Variants in CD27 observed in about 807,000 individuals in gnomAD.
CD27 encodes the protein CD27 antigen.
CD27 carries 16 observed loss-of-function variants against 25.9 expected under a neutral mutation model. The observed-to-expected ratio is 0.62, with a 90% CI of 0.42 to 0.94. The LOEUF is 0.94. Ranked by LOEUF, CD27 falls within the 40% of genes least tolerant of loss-of-function variation. The pLI, the probability that CD27 is intolerant of heterozygous loss-of-function variation, is 0.00. For missense variants in CD27, 300 were observed against 333.2 expected, an observed-to-expected ratio of 0.90 and a Z score of 0.78; for synonymous variants, 142 against 124.3, an observed-to-expected ratio of 1.14 and a Z score of -0.95.
rs112745097 is a variant in CD27, at chr12:6,451,160, C to T, written c.659-108C>T. On this transcript the variant is annotated intron_variant, in intron 5 of 5. Transcript: ENST00000266557. ...CTACCCCTTCTCTCCCCTTAGCTGG[C>T]GTGCTCCTGACACCCCTCCCCCAAG... 2.6e-3 allele frequency: 3,896 copies of T among 1,520,750 alleles called. 97 individuals are homozygous for T. In the African/African-American group the frequency reaches 0.046, roughly 18 times the overall value. 94.2% of individuals were successfully genotyped at this position (1,520,750 alleles called of 1,614,324 possible).
rs760226591 is a variant in CD27, at chr12:6,445,434, C to T, written c.147C>T (p.Leu49=). 48 of 1,614,074 alleles carry T rather than the reference C, an allele frequency of 3.0e-5. No individual in the cohort carries two copies. The highest frequency in any genetic ancestry group is 3.6e-5 in the Non-Finnish European group (42 of 1,180,028). The stretch of plus-strand genomic sequence containing the variant: ...ACCCTCTCCTCCCAGGAACATTCCT[C>T]GTGAAGGACTGTGACCAGCATAGAA... ...CCQMCEPGTF[L]VKDCDQHRKA... Residue 49 remains leucine, a synonymous_variant, in exon 2 of 6, where the codon CTC becomes CTT. Transcript: ENST00000266557. This position sits in a 1 kb window ranked among gnomAD's most constrained non-coding sequence, Gnocchi z 4.5.
Position 6,450,845 on chromosome 12 carries a change from G to C in CD27, c.539-50G>C. On this transcript the variant is annotated intron_variant, in intron 4 of 5. Transcript: ENST00000266557. This position sits in a 1 kb window ranked among gnomAD's most constrained non-coding sequence, Gnocchi z 4.1. ...GTGACAGGAGGGCTGGGCTGAGGGAGCCAAGGGCTAGACCCTCCCCTAACC... is the reference window on the plus strand; with the variant it reads ...GTGACAGGAGGGCTGGGCTGAGGGACCCAAGGGCTAGACCCTCCCCTAACC... 1 of 1,611,556 alleles carries C rather than the reference G, an allele frequency of 6.2e-7. No homozygotes were observed. The highest frequency in any genetic ancestry group is 8.5e-7 in the Non-Finnish European group (1 of 1,178,432).
rs1343156885 is a variant in CD27 at position 6,445,280 on chromosome 12, A to T, written c.136+49A>T. On this transcript the variant is annotated intron_variant, in intron 1 of 5. Transcript: ENST00000266557. This position sits in a 1 kb window ranked among gnomAD's most constrained non-coding sequence, Gnocchi z 4.5. ...CCAGGTGAGTGGCGAAAGAGAGAGG[A>T]CTGGGGTTAATACAGTAAATAGGCG... 1 of 1,611,862 alleles carries T rather than the reference A, an allele frequency of 6.2e-7. No homozygotes were observed. The highest frequency in any genetic ancestry group is 1.7e-5 in the Admixed American group (1 of 59,310).
chr12:6,451,367 A>C lies in CD27; in HGVS notation c.758A>C (p.Lys253Thr). ...ATCCCCATCCAGGAGGATTACCGAA[A>C]ACCGGAGCCTGCCTGCTCCCCCTGA... is the stretch of plus-strand genomic sequence containing the variant. ...STIPIQEDYRKPEPACSP is the reference protein window; with the variant it reads ...STIPIQEDYRTPEPACSP The change falls in exon 6 of 6, where the codon AAA becomes ACA. Residue 253 changes from lysine to threonine, a missense_variant. Physicochemically the swap from Lys to Thr is moderately conservative, Grantham distance 78. Transcript: ENST00000266557. 1.9e-6 allele frequency: 3 copies of C among 1,613,480 alleles called. No individual in the cohort carries two copies. The highest frequency in any genetic ancestry group is 1.7e-5 in the Admixed American group (1 of 59,998).
chr12:6,443,951 G>C (rs1051108221), upstream of CD27, among the ~76,000 whole-genome samples: 1 of 152,130 alleles, frequency 6.6e-6, no homozygotes, highest in African/African-American at 2.4e-5. Context: ...GACTCAAAGA[G>C]GGAAAAGTCT....
At chr12:6,446,261 G>A (rs966302021) in intron 2 of CD27, among the ~76,000 whole-genome samples, 1 of 152,130 alleles carries the variant, frequency 6.6e-6, no homozygotes, top group Non-Finnish European at 1.5e-5. Context: ...CTACCTACTT[G>A]CAAAACGTGT....
chr12:6,444,635 C>T (rs925332964), upstream of CD27, among the ~76,000 whole-genome samples: 3 of 114,122 alleles, frequency 2.6e-5, no homozygotes, highest in South Asian at 2.8e-4. Context: ...CCTGCGAATT[C>T]GTCTGTAAAC....
chr12:6,445,007 A>G lies in CD27; in HGVS notation c.-89A>G. ...CAGCCACTGCCCAGGGGGTGCAAAG[A>G]AGAGACAGCAGCGCCCAGCTTGGAG... On this transcript the variant is annotated 5_prime_UTR_variant, in exon 1 of 6. Transcript: ENST00000266557. The surrounding 1 kb of genome is among the most constrained non-coding windows in gnomAD (Gnocchi z 4.5). 7.1e-7 allele frequency: 1 copy of G among 1,410,782 alleles called. No individual in the cohort carries two copies. Among genetic ancestry groups the G allele is most frequent in the Non-Finnish European group, 9.4e-7 (1 of 1,067,444 alleles). The allele number at this position is 1,410,782 out of a possible 1,614,324, so 87.4% of individuals were successfully genotyped here. A position where few individuals can be genotyped will look rare whatever the true frequency, so the allele number is the denominator to read the frequency against.
rs1420006949 is a variant in CD27, at chr12:6,445,212, C to T, written c.117C>T (p.Cys39=). The change falls in exon 1 of 6, where the codon TGC becomes TGT. Residue 39 remains cysteine, a synonymous_variant. Coordinates refer to ENST00000266557, the MANE Select transcript of CD27 (RefSeq NM_001242.5). The surrounding 1 kb of genome is among the most constrained non-coding windows in gnomAD (Gnocchi z 4.5). Reference sequence around the variant, plus strand: ...ACTACTGGGCTCAGGGAAAGCTGTGCTGCCAGATGTGTGAGCCAGGTAAGA... The same window carrying T: ...ACTACTGGGCTCAGGGAAAGCTGTGTTGCCAGATGTGTGAGCCAGGTAAGA... The part of the protein sequence containing the change: ...ERHYWAQGKL[C]CQMCEPGTFL... 1.9e-6 allele frequency: 3 copies of T among 1,613,982 alleles called. No homozygotes were observed. The highest frequency in any genetic ancestry group is 1.7e-6 in the Non-Finnish European group (2 of 1,179,958).
At chr12:6,448,686 A>C (rs575021216) in intron 2 of CD27, 1 of 152,188 alleles carries the variant, frequency 6.6e-6, no homozygotes, top group African/African-American at 2.4e-5. Context: ...AATCACTTGA[A>C]CTCAGGAGGC....
chr12:6,445,738 G>T lies in CD27; in HGVS notation c.268+183G>T, dbSNP rs537507962. On this transcript the variant is annotated intron_variant, in intron 2 of 5. Coordinates refer to ENST00000266557, the MANE Select transcript of CD27 (RefSeq NM_001242.5). The surrounding 1 kb of genome is among the most constrained non-coding windows in gnomAD (Gnocchi z 4.5). ...CCCTAGGTGGGGCATGAATTAACGT[G>T]GGCAGACATCTAGTATTCCAGGAAA... 6.6e-6 allele frequency among the ~76,000 whole-genome samples: 1 copy of T among 152,148 alleles called. No homozygotes were observed. Among genetic ancestry groups the T allele is most frequent in the Admixed American group, 6.6e-5 (1 of 15,264 alleles).
In CD27 at chr12:6,450,958, T is replaced by C; in HGVS notation, c.602T>C (p.Leu201Pro). The C allele has an allele frequency of 6.2e-7, 1 of 1,614,144 alleles. No individual in the cohort carries two copies. Among genetic ancestry groups the C allele is most frequent in the Non-Finnish European group, 8.5e-7 (1 of 1,180,004 alleles). Residue 201 changes from leucine to proline, a missense_variant, in exon 5 of 6, where the codon CTT becomes CCT. Coordinates refer to ENST00000266557, the MANE Select transcript of CD27 (RefSeq NM_001242.5). This position sits in a 1 kb window ranked among gnomAD's most constrained non-coding sequence, Gnocchi z 4.1. Reference sequence around the variant, plus strand: ...CTTGTGATCTTCTCTGGAATGTTCCTTGTTTTCACCCTGGCCGGGGCCCTG... The same window carrying C: ...CTTGTGATCTTCTCTGGAATGTTCCCTGTTTTCACCCTGGCCGGGGCCCTG... ...RILVIFSGMF[L>P]VFTLAGALFL... is the part of the protein sequence containing the mutation.
intron 2 of CD27, chr12:6,447,552 G>GTTA (rs1449987134): frequency 2.6e-5 from 4 of 152,186 alleles, no homozygotes; most frequent in African/African-American, 9.7e-5. Flanking sequence ...TTGAGCCCAG[G>GTTA]TTATACCTGG....
At position 6,450,500 on chromosome 12, in the gene CD27, G is replaced by T; in HGVS notation, c.449-41G>T. 6.3e-7 allele frequency: 1 copy of T among 1,594,602 alleles called. No homozygotes were observed. ...TCTCAGGCCTTCAGATGTGCCCTAT[G>T]GGGTCCCCTGCTGCTACTCATTCTG... On this transcript the variant is annotated intron_variant, in intron 3 of 5. Transcript: ENST00000266557. This position sits in a 1 kb window ranked among gnomAD's most constrained non-coding sequence, Gnocchi z 4.1.
rs752132858 is a variant in CD27 at position 6,445,086 on chromosome 12, G to A, written c.-10G>A. Reference sequence around the variant, plus strand: ...ACTGGGCACAGAAAGGAGCCGCCTGGGCAGGGACCATGGCACGGCCACATC... The same window carrying A: ...ACTGGGCACAGAAAGGAGCCGCCTGAGCAGGGACCATGGCACGGCCACATC... On this transcript the variant is annotated 5_prime_UTR_variant, in exon 1 of 6. Transcript: ENST00000266557. The surrounding 1 kb of genome is among the most constrained non-coding windows in gnomAD (Gnocchi z 4.5). The A allele has an allele frequency of 6.6e-5, 105 of 1,600,970 alleles. No homozygotes were observed. Among genetic ancestry groups the A allele is most frequent in the Non-Finnish European group, 8.3e-5 (98 of 1,175,252 alleles).
In CD27 at chr12:6,450,775, G is replaced by A. The variant is rs1949524724; in HGVS notation, c.539-120G>A. 6.7e-7 allele frequency: 1 copy of A among 1,482,094 alleles called. No individual in the cohort carries two copies. The highest frequency in any genetic ancestry group is 2.3e-5 in the East Asian group (1 of 44,140). The allele number at this position is 1,482,094 out of a possible 1,614,324, so 91.8% of individuals were successfully genotyped here. A position where few individuals can be genotyped will look rare whatever the true frequency, so the allele number is the denominator to read the frequency against. ...TGTTTAGGAGAGGAGTTGGCCAACGGTGGCGGGTGGGATAGAATAAGGTGG... is the reference window on the plus strand; with the variant it reads ...TGTTTAGGAGAGGAGTTGGCCAACGATGGCGGGTGGGATAGAATAAGGTGG... On this transcript the variant is annotated intron_variant, in intron 4 of 5. Coordinates refer to ENST00000266557, the MANE Select transcript of CD27 (RefSeq NM_001242.5). The surrounding 1 kb of genome is among the most constrained non-coding windows in gnomAD (Gnocchi z 4.1).
At position 6,450,904 on chromosome 12, in the gene CD27, C is replaced by T; in HGVS notation, c.548C>T (p.Ser183Phe). 6.2e-7 allele frequency: 1 copy of T among 1,614,158 alleles called. No individual in the cohort carries two copies. Among genetic ancestry groups the T allele is most frequent in the Non-Finnish European group, 8.5e-7 (1 of 1,180,004 alleles). Residue 183 changes from serine to phenylalanine, a missense_variant, in exon 5 of 6, where the codon TCC becomes TTC. Coordinates refer to ENST00000266557, the MANE Select transcript of CD27 (RefSeq NM_001242.5). This position sits in a 1 kb window ranked among gnomAD's most constrained non-coding sequence, Gnocchi z 4.1. ...TLSTHWPPQR[S>F]LCSSDFIRIL... ...TCCCCTCCTATTACAGCCCAAAGAT[C>T]CCTGTGCAGCTCCGATTTTATTCGC...
chr12:6,451,291 C>G lies in CD27; in HGVS notation c.682C>G (p.Pro228Ala). Reference sequence around the variant, plus strand: ...AGACAAAGGAGAAAGTCCTGTGGAGCCTGCAGAGCCTTGTCATTACAGCTG... The same window carrying G: ...AGACAAAGGAGAAAGTCCTGTGGAGGCTGCAGAGCCTTGTCATTACAGCTG... ...RSNKGESPVE[P>A]AEPCHYSCPR... Residue 228 changes from proline (P) to alanine (A), a missense_variant, in exon 6 of 6, where the codon CCT becomes GCT. Physicochemically the swap from Pro to Ala is conservative, Grantham distance 27. Transcript: ENST00000266557. The G allele has an allele frequency of 1.9e-6, 3 of 1,614,016 alleles. No homozygotes were observed. The highest frequency in any genetic ancestry group is 2.5e-6 in the Non-Finnish European group (3 of 1,179,932).
In CD27 at chr12:6,450,092, G is replaced by C; in HGVS notation, c.269-81G>C. 7.5e-7 allele frequency: 1 copy of C among 1,325,500 alleles called. No homozygotes were observed. Among genetic ancestry groups the C allele is most frequent in the Non-Finnish European group, 1.0e-6 (1 of 953,342 alleles). The allele number at this position is 1,325,500 out of a possible 1,614,324, so 82.1% of individuals were successfully genotyped here. A position where few individuals can be genotyped will look rare whatever the true frequency, so the allele number is the denominator to read the frequency against. ...TCCCTAGAGGTGGGCCTGGGATGGG[G>C]GTTGGGGGATGAAGCAAGTGGACCT... is the stretch of plus-strand genomic sequence containing the variant. On this transcript the variant is annotated intron_variant, in intron 2 of 5. Transcript: ENST00000266557. This position sits in a 1 kb window ranked among gnomAD's most constrained non-coding sequence, Gnocchi z 4.1.
Sources: allele counts gnomAD v4.1 joint callset (sites outside exome capture counted in the v4.1 genomes callset), GRCh38; gene constraint gnomAD v4.1.1; non-coding constraint Gnocchi (gnomAD v3.1); transcripts MANE v1.5; gene names NCBI Gene and HGNC (gene_info 2026-07-23, HGNC 2026-07-21).